TGFBR3: variants seen among roughly 807,000 people sequenced by gnomAD.
TGFBR3 encodes transforming growth factor beta receptor type 3.
In TGFBR3, 46 loss-of-function variants were observed where a neutral mutation model predicts 87.9. That is an observed-to-expected ratio of 0.52 (90% CI 0.41 to 0.67). The LOEUF (loss-of-function observed/expected upper bound fraction) is 0.67, where lower values mean the gene tolerates loss of function less well. Among genes scored for constraint, TGFBR3 ranks in the 30% least tolerant of loss-of-function variants. The pLI, the probability that TGFBR3 is intolerant of heterozygous loss-of-function variation, is 0.00. For synonymous variants in TGFBR3, 381 were observed against 391.6 expected (o/e 0.97, Z 0.32); for missense variants, 866 against 1,041.9 (o/e 0.83, Z 2.32).
intron 1 of TGFBR3, among the ~76,000 whole-genome samples, chr1:91,881,985 G>A (rs1679101379): frequency 6.6e-6 from 1 of 151,640 alleles, no homozygotes. Context: ...GTTGCAGTGA[G>A]CCAAGATCAC....
At chr1:91,853,575 A>T (rs996692106) in intron 2 of TGFBR3, among the ~76,000 whole-genome samples, 1 of 152,204 alleles carries the variant, frequency 6.6e-6, no homozygotes, top group Non-Finnish European at 1.5e-5. Context: ...TACACAGTGG[A>T]ATACTATACA....
At chr1:91,708,110 GC>G (rs1368373347) in intron 14 of TGFBR3, among the ~76,000 whole-genome samples, 2 of 152,202 alleles carry the variant, frequency 1.3e-5, no homozygotes, top group Non-Finnish European at 2.9e-5. Flanking sequence ...GGAGAAAGAG[GC>G]ATGCTTGGCT....
chr1:91,835,139 T>A (rs1169009136), intron 2 of TGFBR3, among the ~76,000 whole-genome samples: 1 of 152,168 alleles, frequency 6.6e-6, no homozygotes, highest in East Asian at 1.9e-4. Context: ...GAGGCAAAAG[T>A]GTTCCCAACT....
chr1:91,822,380 C>A (rs10493858), intron 2 of TGFBR3, among the ~76,000 whole-genome samples: 1 of 147,400 alleles, frequency 6.8e-6, no homozygotes, highest in South Asian at 2.2e-4. Flanking sequence ...CCTCACCAAT[C>A]TTTTAGAACA....
intron 2 of TGFBR3, among the ~76,000 whole-genome samples, chr1:91,852,419 G>A (rs575665531): frequency 5.9e-5 from 9 of 152,280 alleles, no homozygotes; most frequent in African/African-American, 1.9e-4. Context: ...TGTGTGTGTT[G>A]TGTTTGCACA....
At chr1:91,767,321 T>C (rs1674218236) in intron 3 of TGFBR3, among the ~76,000 whole-genome samples, 1 of 133,734 alleles carries the variant, frequency 7.5e-6, no homozygotes, top group African/African-American at 2.8e-5. Flanking sequence ...AACCTGAAGC[T>C]GGTAAGGAAT....
At chr1:91,876,003 C>A (rs1678793804) in intron 1 of TGFBR3, among the ~76,000 whole-genome samples, 1 of 57,412 alleles carries the variant, frequency 1.7e-5, no homozygotes, top group Admixed American at 2.7e-4. Flanking sequence ...GAACTCGTTT[C>A]AGGGAAACCA....
intron 2 of TGFBR3, among the ~76,000 whole-genome samples, chr1:91,839,285 T>G (rs1677178397): frequency 6.6e-6 from 1 of 152,216 alleles, no homozygotes; most frequent in Admixed American, 6.5e-5. Context: ...AGCCAAATCT[T>G]AAGTCTTTTT....
intron 2 of TGFBR3, among the ~76,000 whole-genome samples, chr1:91,813,483 G>C (rs1456484664): frequency 1.3e-5 from 2 of 152,152 alleles, no homozygotes; most frequent in Non-Finnish European, 2.9e-5. Flanking sequence ...TATTCAACCT[G>C]TACAGCCCAG....
At chr1:91,850,384 T>C (rs1056896496) in intron 2 of TGFBR3, among the ~76,000 whole-genome samples, 2 of 152,238 alleles carry the variant, frequency 1.3e-5, no homozygotes, top group Admixed American at 6.5e-5. Flanking sequence ...ACTTTAACTT[T>C]CAGCAATTTA....
rs1202245796 is a variant in TGFBR3 at position 91,796,883 on chromosome 1, AT to A, written c.246+403del. On this transcript the variant is annotated intron_variant, in intron 3 of 16. Coordinates refer to ENST00000212355, the MANE Select transcript of TGFBR3 (RefSeq NM_003243.5). ...ATGTGCTAACTACCACACCCTGCTA[AT>A]TTTTTTTTTTTTTAGTTTTATTTTT... is the stretch of plus-strand genomic sequence containing the variant. Among the ~76,000 whole-genome samples the A allele has an allele frequency of 5.3e-3, 754 of 143,596 alleles. 3 individuals carry two copies. The highest frequency in any genetic ancestry group is 6.3e-3 in the Non-Finnish European group (408 of 65,020). The allele number at this position is 143,596 out of a possible 152,430, so 94.2% of individuals were successfully genotyped here.
At chr1:91,814,012 C>T (rs1274248492) in intron 2 of TGFBR3, among the ~76,000 whole-genome samples, 2 of 152,172 alleles carry the variant, frequency 1.3e-5, no homozygotes, top group African/African-American at 2.4e-5. Flanking sequence ...CTCACTCACC[C>T]GCTGCTCACC....
At chr1:91,734,064 G>GGGAGGGAA (rs1426295546) in intron 5 of TGFBR3, among the ~76,000 whole-genome samples, 1 of 142,810 alleles carries the variant, frequency 7.0e-6, no homozygotes, top group African/African-American at 2.6e-5. Flanking sequence ...GAGGGAGGGA[G>GGGAGGGAA]GGAGGGAGGG....
chr1:91,819,827 A>G (rs1277375048), intron 2 of TGFBR3, among the ~76,000 whole-genome samples: 4 of 152,078 alleles, frequency 2.6e-5, no homozygotes, highest in Non-Finnish European at 5.9e-5. Context: ...GCCTTCTATC[A>G]TTTTTCTCCT....
At chr1:91,767,837 G>A (rs1321328724) in intron 3 of TGFBR3, among the ~76,000 whole-genome samples, 1 of 151,560 alleles carries the variant, frequency 6.6e-6, no homozygotes, top group Non-Finnish European at 1.5e-5. Flanking sequence ...CTTTCTGGAA[G>A]GAGGGATAAA....
In TGFBR3 at chr1:91,719,334, T is replaced by C; in HGVS notation, c.1544A>G (p.Asp515Gly). 1 of 1,614,092 alleles carries C rather than the reference T, an allele frequency of 6.2e-7. No individual in the cohort carries two copies. The highest frequency in any genetic ancestry group is 8.5e-7 in the Non-Finnish European group (1 of 1,180,000). Residue 515 changes from aspartate (D) to glycine (G), a missense_variant, in exon 10 of 17, where the codon GAT becomes GGT. Transcript: ENST00000212355. ...CACGGAGTTATAGTAGACCACACCA[T>C]CAAGGGCTGACCACCGGGGCCGAGT... is the stretch of plus-strand genomic sequence containing the variant. Reference protein sequence around the residue: ...CGTRPRWSALDGVVYYNSIVI... With the variant: ...CGTRPRWSALGGVVYYNSIVI...
At chr1:91,791,304 A>G (rs771712209) in intron 3 of TGFBR3, among the ~76,000 whole-genome samples, 12 of 152,184 alleles carry the variant, frequency 7.9e-5, no homozygotes, top group Admixed American at 1.3e-4. Flanking sequence ...AACAGACAAG[A>G]ACATAAAAGG....
Position 91,712,468 on chromosome 1 carries a change from A to G in TGFBR3, c.1941T>C (p.Pro647=). 1 of 1,614,220 alleles carries G rather than the reference A, an allele frequency of 6.2e-7. No homozygotes were observed. The highest frequency in any genetic ancestry group is 8.5e-7 in the Non-Finnish European group (1 of 1,180,012). The change falls in exon 13 of 17, where the codon CCT becomes CCC. Residue 647 remains proline, a synonymous_variant. Coordinates refer to ENST00000212355, the MANE Select transcript of TGFBR3 (RefSeq NM_003243.5). ...TAATGGTGTAATGAGACATCCTATCAGGGTTCGAATATGGAGAGATAAAGC... is the reference window on the plus strand; with the variant it reads ...TAATGGTGTAATGAGACATCCTATCGGGGTTCGAATATGGAGAGATAAAGC... The part of the protein sequence containing the change: ...QTCFISPYSN[P]DRMSHYTIIE...
intron 2 of TGFBR3, among the ~76,000 whole-genome samples, chr1:91,847,178 T>C (rs1677534322): frequency 6.6e-6 from 1 of 152,208 alleles, no homozygotes; most frequent in Non-Finnish European, 1.5e-5. Flanking sequence ...GCTTAAATAT[T>C]CTCAGTCTTA....
Sources: gnomAD v4.1 joint callset for allele counts (sites outside exome capture counted in the v4.1 genomes callset) on GRCh38, gnomAD v4.1.1 for gene constraint, MANE v1.5 for transcripts, NCBI Gene and HGNC (gene_info 2026-07-23, HGNC 2026-07-21) for gene names.